Variants in CHD6 observed in about 807,000 individuals in gnomAD.
CHD6 encodes ATP-dependent chromatin remodeler CHD6.
In CHD6, 50 loss-of-function variants were observed where a neutral mutation model predicts 276.9. That is an observed-to-expected ratio of 0.18 (90% confidence interval 0.14 to 0.23). The LOEUF (loss-of-function observed/expected upper bound fraction) is 0.23. Ranked by LOEUF, CHD6 falls within the 10% of genes least tolerant of loss-of-function variation. The pLI is 1.00. For missense variants in CHD6, 2,564 were observed against 3,365.8 expected (o/e 0.76, Z 5.89); for synonymous variants, 1,173 against 1,229.3 (o/e 0.95, Z 0.96).
chr20:41,440,862 T>C (rs1418437372), intron 25 of CHD6, among the ~76,000 whole-genome samples: 3 of 152,260 alleles, frequency 2.0e-5, no homozygotes, highest in Non-Finnish European at 2.9e-5. Flanking sequence ...TCAGAGGAGA[T>C]GGAAGAGCTG....
chr20:41,501,265 T>C (rs1311560324), intron 5 of CHD6, among the ~76,000 whole-genome samples: 2 of 152,214 alleles, frequency 1.3e-5, no homozygotes, highest in African/African-American at 2.4e-5. Context: ...AAATGCTTAG[T>C]TACTGAGGTA....
chr20:41,563,167 G>A (rs961372771), intron 1 of CHD6, among the ~76,000 whole-genome samples: 3 of 152,218 alleles, frequency 2.0e-5, no homozygotes, highest in Non-Finnish European at 4.4e-5. Flanking sequence ...ATCCTTGTCT[G>A]TGAGGAGATG....
Position 41,488,461 on chromosome 20 carries a change from G to A in CHD6, c.1824C>T (p.Cys608=), listed in dbSNP as rs1425643802. The A allele has an allele frequency of 6.2e-7, 1 of 1,613,724 alleles. No individual in the cohort carries two copies. The highest frequency in any genetic ancestry group is 1.7e-5 in the Admixed American group (1 of 59,974). ...DEAHRLKNRN[C]KLLEGLKLMA... ...TAAGCTTTAGACCCTCCAGAAGTTT[G>A]CAGTTCCTATTCTTCAGTCTGTGGG... The change falls in exon 13 of 37, where the codon TGC becomes TGT. Residue 608 remains cysteine, a synonymous_variant. Transcript: ENST00000373233.
chr20:41,552,107 A>AC (rs1441505264), intron 1 of CHD6, among the ~76,000 whole-genome samples: 1 of 152,212 alleles, frequency 6.6e-6, no homozygotes, highest in African/African-American at 2.4e-5. Context: ...AGTCTAGGAA[A>AC]CCCAGAATTT....
intron 24 of CHD6, among the ~76,000 whole-genome samples, chr20:41,446,741 G>A (rs1376823608): frequency 6.6e-6 from 1 of 152,162 alleles, no homozygotes; most frequent in Non-Finnish European, 1.5e-5. Context: ...TTTATGGGAT[G>A]AACTGCTGTT....
At chr20:41,425,137 A>G (rs375243729) in intron 29 of CHD6, 41 bp downstream of exon 29, 1 of 1,535,298 alleles carries the variant, frequency 6.5e-7, no homozygotes, top group Non-Finnish European at 9.0e-7. Flanking sequence ...AACTTTACCC[A>G]GTGGGTGGCT....
At chr20:41,493,984 C>T in intron 8 of CHD6, 40 bp from the exon 9 acceptor site, 2 of 1,504,206 alleles carry the variant, frequency 1.3e-6, no homozygotes, top group Non-Finnish European at 1.9e-6. Flanking sequence ...AGTATGTCCC[C>T]TTGCCTCAAA....
Position 41,420,715 on chromosome 20 carries a change from T to C in CHD6, c.5920A>G (p.Thr1974Ala). The part of the protein sequence containing the change: ...IPDLFKSKTN[T>A]IAMEGEPTAI... The stretch of plus-strand genomic sequence containing the variant: ...GTGGGTTCACCCTCCATGGCGATAG[T>C]ATTGGTTTTACTTTTGAACAGATCT... The change falls in exon 31 of 37, where the codon ACT becomes GCT. Residue 1974 changes from threonine (T) to alanine (A), a missense_variant. Around this residue, in one of 7 missense-constraint regions of CHD6, gnomAD observed 1,024 missense variants for 1,047.9 expected, o/e 0.98. Coordinates refer to ENST00000373233, the MANE Select transcript of CHD6 (RefSeq NM_032221.5). 6.2e-7 allele frequency: 1 copy of C among 1,614,202 alleles called. No individual in the cohort carries two copies. The highest frequency in any genetic ancestry group is 8.5e-7 in the Non-Finnish European group (1 of 1,180,034).
In CHD6 at chr20:41,425,083, C is replaced by G. The variant is rs774016292; in HGVS notation, c.4346+95G>C. 7.6e-6 allele frequency: 7 copies of G among 922,746 alleles called. No homozygotes were observed. The Middle Eastern group carries it at 1.1e-3, about 150-fold the overall frequency. 57.2% of individuals were successfully genotyped at this position (922,746 alleles called of 1,614,324 possible). A position where few individuals can be genotyped will look rare whatever the true frequency, so the allele number is the denominator to read the frequency against. ...GAGACAACCTAACTTCACATGAGAA[C>G]AGAAATATACTCGCCCTCCAAGCTA... On this transcript the variant is annotated intron_variant, in intron 29 of 36. Coordinates refer to ENST00000373233, the MANE Select transcript of CHD6 (RefSeq NM_032221.5).
At chr20:41,427,313 T>C (rs2047397340) in intron 27 of CHD6, among the ~76,000 whole-genome samples, 1 of 152,094 alleles carries the variant, frequency 6.6e-6, no homozygotes, top group African/African-American at 2.4e-5. Flanking sequence ...GCCCATTTTC[T>C]GAATGAATTT....
intron 1 of CHD6, among the ~76,000 whole-genome samples, chr20:41,579,437 C>CAAA (rs574347177): frequency 2.1e-4 from 15 of 69,970 alleles, no homozygotes; most frequent in African/African-American, 6.2e-4. Flanking sequence ...GACTCTGTCT[C>CAAA]AAAAAAAAAA....
chr20:41,581,237 G>A (rs1165396328), intron 1 of CHD6, among the ~76,000 whole-genome samples: 1 of 152,120 alleles, frequency 6.6e-6, no homozygotes, highest in Non-Finnish European at 1.5e-5. Context: ...TTGTATAGAT[G>A]AGGACATTGA....
intron 2 of CHD6, among the ~76,000 whole-genome samples, chr20:41,544,076 C>G (rs2044995460): frequency 6.6e-6 from 1 of 151,978 alleles, no homozygotes; most frequent in African/African-American, 2.4e-5. Flanking sequence ...CCTGTCTCTA[C>G]TAAAATACAA....
intron 6 of CHD6, among the ~76,000 whole-genome samples, chr20:41,498,797 GTATGTA>G (rs2043750700): frequency 1.2e-5 from 1 of 83,676 alleles, no homozygotes; most frequent in African/African-American, 9.6e-5. Flanking sequence ...ATGTATGTAT[GTATGTA>G]TGTATGTATG....
At chr20:41,511,264 A>G (rs962173041) in intron 5 of CHD6, among the ~76,000 whole-genome samples, 4 of 152,232 alleles carry the variant, frequency 2.6e-5, no homozygotes, top group African/African-American at 9.6e-5. Context: ...TGCTCCATAC[A>G]GTGTGAATTC....
intron 2 of CHD6, among the ~76,000 whole-genome samples, chr20:41,538,696 T>C (rs1411208105): frequency 2.0e-5 from 3 of 152,198 alleles, no homozygotes; most frequent in Non-Finnish European, 2.9e-5. Context: ...TGCTCTCAAA[T>C]ATTGCTGGCA....
At chr20:41,492,511 C>G (rs558465870) in intron 10 of CHD6, among the ~76,000 whole-genome samples, 1 of 152,294 alleles carries the variant, frequency 6.6e-6, no homozygotes. Flanking sequence ...TAATAAGGAA[C>G]TGGATAACAG....
chr20:41,541,871 C>T (rs1022639211), intron 2 of CHD6, among the ~76,000 whole-genome samples: 4 of 152,076 alleles, frequency 2.6e-5, no homozygotes, highest in African/African-American at 7.2e-5. Flanking sequence ...AATGGGGAGA[C>T]GGGGACAGGA....
intron 22 of CHD6, among the ~76,000 whole-genome samples, chr20:41,451,620 C>T (rs1569092799): frequency 6.6e-6 from 1 of 152,134 alleles, no homozygotes; most frequent in Non-Finnish European, 1.5e-5. Flanking sequence ...TTAAGAGGGT[C>T]CAGTTGTACT....
Sources: gnomAD v4.1 joint callset for allele counts (sites outside exome capture counted in the v4.1 genomes callset) on GRCh38, gnomAD v4.1.1 for gene constraint, gnomAD v4.1.1 regional missense constraint, MANE v1.5 for transcripts, NCBI Gene and HGNC (gene_info 2026-07-23, HGNC 2026-07-21) for gene names.